Variants in CAMK2B observed in about 807,000 individuals in gnomAD.
The protein encoded by CAMK2B is calcium/calmodulin-dependent protein kinase type II subunit beta.
In CAMK2B, 27 loss-of-function variants were observed where a neutral mutation model predicts 93.7. The observed-to-expected ratio is 0.29, with a 90% confidence interval of 0.21 to 0.40. CAMK2B has a LOEUF of 0.40. Ranked by LOEUF, CAMK2B falls within the 10% of genes least tolerant of loss-of-function variation. The pLI, the probability that CAMK2B is intolerant of heterozygous loss-of-function variation, is 1.00. For missense variants in CAMK2B, 568 were observed against 895.8 expected, an observed-to-expected ratio of 0.63 and a Z score of 4.67; for synonymous variants, 374 against 358.8, an observed-to-expected ratio of 1.04 and a Z score of -0.48.
chr7:44,229,598 GGGT>G, intron 17 of CAMK2B, 97 bp from the exon 18 acceptor site: 3 of 462,654 alleles, frequency 6.5e-6, no homozygotes, highest in Admixed American at 4.2e-5. Flanking sequence ...GGGAGGGAGG[GGGT>G]GACAGCTGGA....
intron 2 of CAMK2B, among the ~76,000 whole-genome samples, chr7:44,273,167 T>C (rs543213348): frequency 6.6e-6 from 1 of 152,058 alleles, no homozygotes; most frequent in Non-Finnish European, 1.5e-5. Context: ...TGCCAACCCA[T>C]GGAATTATTC....
intron 20 of CAMK2B, among the ~76,000 whole-genome samples, chr7:44,226,215 T>C (rs2096475479): frequency 6.6e-6 from 1 of 151,990 alleles, no homozygotes; most frequent in Admixed American, 6.6e-5. Flanking sequence ...CCCATTCCCC[T>C]CCCATCAGGA....
chr7:44,240,870 T>A, intron 11 of CAMK2B, 121 bp from the exon 12 acceptor site: 1 of 1,024,256 alleles, frequency 9.8e-7, no homozygotes, highest in Non-Finnish European at 1.5e-6. Flanking sequence ...GAGGCTGACA[T>A]GACCTCAGCC....
At chr7:44,314,230 G>T (rs1434637216) in intron 1 of CAMK2B, among the ~76,000 whole-genome samples, 1 of 152,122 alleles carries the variant, frequency 6.6e-6, no homozygotes, top group African/African-American at 2.4e-5. Context: ...CACAATCTAA[G>T]TTTATAACAT....
intron 1 of CAMK2B, among the ~76,000 whole-genome samples, chr7:44,319,107 C>T (rs1193539985): frequency 6.6e-6 from 1 of 152,150 alleles, no homozygotes; most frequent in African/African-American, 2.4e-5. Context: ...TGTTTCTACA[C>T]TAACAAAGTG....
Position 44,227,976 on chromosome 7 carries a change from C to G in CAMK2B, c.1468+820G>C, listed in dbSNP as rs545878014. On this transcript the variant is annotated intron_variant, in intron 19 of 23. Coordinates refer to ENST00000395749, the MANE Select transcript of CAMK2B (RefSeq NM_001220.5). Reference sequence around the variant, plus strand: ...GGGGGGACGGAGGGAGACAGGGGGACAGAGGGTGCTGCTGCGGACAGCGTG... The same window carrying G: ...GGGGGGACGGAGGGAGACAGGGGGAGAGAGGGTGCTGCTGCGGACAGCGTG... Among the ~76,000 whole-genome samples, 76 of 149,940 alleles carry G rather than the reference C, an allele frequency of 5.1e-4. 3 individuals carry two copies. In the South Asian group the frequency reaches 0.016, roughly 31 times the overall value.
chr7:44,229,145 G>A (rs1356287288), intron 18 of CAMK2B: 5 of 625,392 alleles, frequency 8.0e-6, no homozygotes, highest in Non-Finnish European at 1.5e-5. Flanking sequence ...TGAGGCCCGA[G>A]CCTCCAGGGC....
chr7:44,295,763 T>C (rs1343688464), intron 1 of CAMK2B, among the ~76,000 whole-genome samples: 1 of 152,184 alleles, frequency 6.6e-6, no homozygotes, highest in Non-Finnish European at 1.5e-5. Context: ...GAAATTATCT[T>C]ACTACAGCCC....
chr7:44,271,100 G>A lies in CAMK2B; in HGVS notation c.161-8036C>T, dbSNP rs183960911. 2.6e-5 allele frequency among the ~76,000 whole-genome samples: 4 copies of A among 152,084 alleles called. No individual in the cohort carries two copies. The East Asian group carries it at 7.7e-4, about 29-fold the overall frequency. On this transcript the variant is annotated intron_variant, in intron 2 of 23. Transcript: ENST00000395749. The surrounding 1 kb of genome is among the most constrained non-coding windows in gnomAD (Gnocchi z 4.2). Reference sequence around the variant, plus strand: ...CACCTGGCTAATTTTTGTATTTTTAGTAGAGACAGGGTTTCACCATGTCGG... The same window carrying A: ...CACCTGGCTAATTTTTGTATTTTTAATAGAGACAGGGTTTCACCATGTCGG...
intron 5 of CAMK2B, among the ~76,000 whole-genome samples, chr7:44,251,599 G>A (rs1356673464): frequency 6.6e-6 from 1 of 152,182 alleles, no homozygotes; most frequent in Non-Finnish European, 1.5e-5. Flanking sequence ...CCCGGATCCT[G>A]GCACCCTCTA....
intron 13 of CAMK2B, among the ~76,000 whole-genome samples, chr7:44,238,940 G>A (rs981610654): frequency 1.3e-5 from 2 of 152,094 alleles, no homozygotes; most frequent in Non-Finnish European, 2.9e-5. Flanking sequence ...CTCTGGCCCC[G>A]CACAGCCCAG....
At chr7:44,241,559 C>T (rs2096678885) in intron 11 of CAMK2B, 141 bp downstream of exon 11, 3 of 682,404 alleles carry the variant, frequency 4.4e-6, no homozygotes, top group East Asian at 5.1e-5. Flanking sequence ...CTGATGCATC[C>T]AGTCTGGGAC....
In CAMK2B at chr7:44,224,792, G is replaced by A. The variant is rs773442609; in HGVS notation, c.1597+1724C>T. ...GAGGAGACGGGGCCTGAGGCGGGCC[G>A]TGGGCACCTGCCCTATTTACACAGC... On this transcript the variant is annotated intron_variant, in intron 20 of 23. Coordinates refer to ENST00000395749, the MANE Select transcript of CAMK2B (RefSeq NM_001220.5). This position sits in a 1 kb window ranked among gnomAD's most constrained non-coding sequence, Gnocchi z 4.4. 5.9e-5 allele frequency among the ~76,000 whole-genome samples: 9 copies of A among 151,944 alleles called. No homozygotes were observed. Among genetic ancestry groups the A allele is most frequent in the Non-Finnish European group, 1.3e-4 (9 of 68,010 alleles).
intron 5 of CAMK2B, among the ~76,000 whole-genome samples, chr7:44,251,958 G>A (rs557954331): frequency 6.6e-6 from 1 of 152,254 alleles, no homozygotes; most frequent in African/African-American, 2.4e-5. Flanking sequence ...GCGGTCCCCC[G>A]GCCCACAGCA....
At chr7:44,279,561 C>T (rs953999762) in intron 2 of CAMK2B, among the ~76,000 whole-genome samples, 4 of 152,218 alleles carry the variant, frequency 2.6e-5, no homozygotes, top group African/African-American at 4.8e-5. Context: ...CTTCCTCCCA[C>T]CACCCTACCC....
rs192150051 is a variant in CAMK2B at position 44,267,536 on chromosome 7, C to T, written c.161-4472G>A. Among the ~76,000 whole-genome samples the T allele has an allele frequency of 2.6e-5, 4 of 152,270 alleles. No individual in the cohort carries two copies. The East Asian group carries it at 5.8e-4, about 22-fold the overall frequency. Reference sequence around the variant, plus strand: ...TCTGCACCCTAAACGGAGGCAAGGGCGTATGTGTGTGGGCCTGTATTTAAG... The same window carrying T: ...TCTGCACCCTAAACGGAGGCAAGGGTGTATGTGTGTGGGCCTGTATTTAAG... On this transcript the variant is annotated intron_variant, in intron 2 of 23. Transcript: ENST00000395749.
chr7:44,298,019 G>T (rs1241134271), intron 1 of CAMK2B, among the ~76,000 whole-genome samples: 1 of 152,166 alleles, frequency 6.6e-6, no homozygotes, highest in African/African-American at 2.4e-5. Flanking sequence ...AGCTACTCAG[G>T]AGGCTGAGGC....
At position 44,290,087 on chromosome 7, in the gene CAMK2B, A is replaced by C. The variant is rs558332002; in HGVS notation, c.66-5862T>G. The stretch of plus-strand genomic sequence containing the variant: ...CACTCTCCTCACTCAGATGTTGCAG[A>C]ATAGGCTGGAAACGCCCCCTCAGAT... On this transcript the variant is annotated intron_variant, in intron 1 of 23. Transcript: ENST00000395749. Among the ~76,000 whole-genome samples, 31 of 152,348 alleles carry C rather than the reference A, an allele frequency of 2.0e-4. No homozygotes were observed. The South Asian group carries it at 6.0e-3, about 29-fold the overall frequency.
In CAMK2B at chr7:44,305,187, G is replaced by A. The variant is rs80057945; in HGVS notation, c.65+20170C>T. ...TACCCACCTACGCATGGCCCTCTCA[G>A]TGTATAAGGGTTCCCTTCAGGGCTC... On this transcript the variant is annotated intron_variant, in intron 1 of 23. Transcript: ENST00000395749. 6.3e-3 allele frequency among the ~76,000 whole-genome samples: 965 copies of A among 152,294 alleles called. 10 individuals carry two copies. The highest frequency in any genetic ancestry group is 0.022 in the African/African-American group (906 of 41,554).
Sources: allele counts gnomAD v4.1 joint callset (sites outside exome capture counted in the v4.1 genomes callset), GRCh38; gene constraint gnomAD v4.1.1; non-coding constraint Gnocchi (gnomAD v3.1); transcripts MANE v1.5; gene names NCBI Gene and HGNC (gene_info 2026-07-23, HGNC 2026-07-21).